The following ZBTB38 variants were observed in gnomAD, a reference collection of about 807,000 sequenced individuals.
ZBTB38 encodes the protein zinc finger and BTB domain-containing protein 38.
In ZBTB38, 20 loss-of-function variants were observed where a neutral mutation model predicts 76.8. That is an observed-to-expected ratio of 0.26 (90% CI 0.18 to 0.38). ZBTB38 has a LOEUF of 0.38. ZBTB38 is among the 10% of genes least tolerant of loss of function. The probability of loss-of-function intolerance (pLI) is 1.00; values close to 1 mark genes in which losing one functional copy is unlikely to be tolerated. For missense variants in ZBTB38, 1,082 were observed against 1,482.3 expected (o/e 0.73, Z 4.43); for synonymous variants, 504 against 544.2 (o/e 0.93, Z 1.03).
At chr3:141,411,341 C>T (rs572484152) in intron 5 of ZBTB38, among the ~76,000 whole-genome samples, 17 of 152,332 alleles carry the variant, frequency 1.1e-4, no homozygotes, top group African/African-American at 3.6e-4. Context: ...TGATCTGTCC[C>T]TGCTTAAACC....
At chr3:141,389,411 T>C (rs1413609021) in intron 4 of ZBTB38, 1 of 151,986 alleles carries the variant, frequency 6.6e-6, no homozygotes, top group Admixed American at 6.6e-5. Context: ...ACTGATTTTG[T>C]TCTCCAGGCT....
At chr3:141,347,377 G>T (rs951676122) in intron 1 of ZBTB38, among the ~76,000 whole-genome samples, 1 of 152,146 alleles carries the variant, frequency 6.6e-6, no homozygotes, top group Admixed American at 6.6e-5. Flanking sequence ...GACTTGACTG[G>T]ACAAGACATA....
intron 1 of ZBTB38, among the ~76,000 whole-genome samples, chr3:141,338,575 G>C (rs1292573789): frequency 7.2e-5 from 11 of 152,190 alleles, no homozygotes; most frequent in Admixed American, 7.2e-4. Flanking sequence ...TTCTCACTTA[G>C]AAGTGGGAGC....
chr3:141,443,575 C>G lies in ZBTB38; in HGVS notation c.1187C>G (p.Ser396Ter). 6.2e-7 allele frequency: 1 copy of G among 1,614,204 alleles called. No homozygotes were observed. The highest frequency in any genetic ancestry group is 8.5e-7 in the Non-Finnish European group (1 of 1,180,026). The change falls in exon 6 of 6, where the codon TCA becomes TGA. Residue 396 changes from serine (S) to a stop codon, truncating the protein, a stop_gained. Transcript: ENST00000321464. LOFTEE classifies it high-confidence loss of function. The surrounding 1 kb of genome is among the most constrained non-coding windows in gnomAD (Gnocchi z 5.6). ...LDRHEQICMR[S>*]SHMPIPGGNQ... ...CGGCATGAACAGATCTGCATGAGGT[C>G]AAGCCACATGCCCATTCCTGGAGGA...
At chr3:141,417,984 G>A (rs1174513093) in intron 5 of ZBTB38, among the ~76,000 whole-genome samples, 11 of 152,028 alleles carry the variant, frequency 7.2e-5, no homozygotes, top group African/African-American at 1.7e-4. Flanking sequence ...ATTGCACTCC[G>A]GCCTGGTGAC....
intron 4 of ZBTB38, among the ~76,000 whole-genome samples, chr3:141,392,520 A>G (rs1232156041): frequency 6.6e-6 from 1 of 152,164 alleles, no homozygotes; most frequent in African/African-American, 2.4e-5. Context: ...GGCCTTTTAT[A>G]CTGTTCGCTA....
intron 1 of ZBTB38, among the ~76,000 whole-genome samples, chr3:141,335,486 G>A (rs1942987912): frequency 1.3e-5 from 2 of 152,222 alleles, no homozygotes; most frequent in South Asian, 4.1e-4. Flanking sequence ...AATAAGAAGT[G>A]TGAATGTTCC....
intron 2 of ZBTB38, among the ~76,000 whole-genome samples, chr3:141,380,132 T>G (rs1576809346): frequency 6.6e-6 from 1 of 152,356 alleles, no homozygotes; most frequent in African/African-American, 2.4e-5. Flanking sequence ...GAGGCATTTA[T>G]GTAAATATGA....
chr3:141,427,307 A>G (rs1179919340), intron 5 of ZBTB38, among the ~76,000 whole-genome samples: 2 of 152,210 alleles, frequency 1.3e-5, no homozygotes, highest in Non-Finnish European at 2.9e-5. Context: ...AATTACAATC[A>G]TAATAAGTAC....
At chr3:141,386,539 T>G (rs1445886251) in intron 3 of ZBTB38, 1 of 152,250 alleles carries the variant, frequency 6.6e-6, no homozygotes, top group Non-Finnish European at 1.5e-5. Context: ...TATTTTTTAC[T>G]TTGCAAGAGC....
chr3:141,359,587 T>C (rs980275918), intron 1 of ZBTB38, among the ~76,000 whole-genome samples: 3 of 152,160 alleles, frequency 2.0e-5, no homozygotes, highest in African/African-American at 7.2e-5. Context: ...TTTTTGAAGA[T>C]AAGAATGTGG....
At chr3:141,416,768 A>G (rs1031602861) in intron 5 of ZBTB38, among the ~76,000 whole-genome samples, 2 of 152,150 alleles carry the variant, frequency 1.3e-5, no homozygotes, top group South Asian at 2.1e-4. Flanking sequence ...TAGAAAGGAG[A>G]AGGCCATGTG....
chr3:141,445,017 C>T lies in ZBTB38; in HGVS notation c.2629C>T (p.Gln877Ter). ...TCAGATGCAGGAGGAGCCTTTGCCA[C>T]AGGGGAATGACCCAGAACCCAGTGG... ...KYQMQEEPLP[Q>*]GNDPEPSGDS... The change falls in exon 6 of 6, where the codon CAG (glutamine) becomes TAG (stop). Residue 877 changes from glutamine (Q) to a stop codon, truncating the protein, a stop_gained. Coordinates refer to ENST00000321464, the MANE Select transcript of ZBTB38 (RefSeq NM_001376113.1). LOFTEE classifies it high-confidence loss of function. The surrounding 1 kb of genome is among the most constrained non-coding windows in gnomAD (Gnocchi z 6.5). The T allele has an allele frequency of 6.2e-7, 1 of 1,614,186 alleles. No homozygotes were observed. The highest frequency in any genetic ancestry group is 8.5e-7 in the Non-Finnish European group (1 of 1,180,036).
intron 1 of ZBTB38, among the ~76,000 whole-genome samples, chr3:141,329,108 C>T (rs750701194): frequency 6.6e-6 from 1 of 152,162 alleles, no homozygotes; most frequent in Non-Finnish European, 1.5e-5. Context: ...AGAAAAAAAC[C>T]CCGCCTCCTT....
At chr3:141,352,128 A>T (rs1342929599) in intron 1 of ZBTB38, among the ~76,000 whole-genome samples, 1 of 152,268 alleles carries the variant, frequency 6.6e-6, no homozygotes, top group South Asian at 2.1e-4. Context: ...CTAGGGGAGC[A>T]GGGGAGGCAG....
At chr3:141,344,121 G>A (rs1196522454) in intron 1 of ZBTB38, among the ~76,000 whole-genome samples, 1 of 152,198 alleles carries the variant, frequency 6.6e-6, no homozygotes, top group Non-Finnish European at 1.5e-5. Flanking sequence ...CTATGTTTTA[G>A]TTGGCTGCTG....
intron 1 of ZBTB38, among the ~76,000 whole-genome samples, chr3:141,359,106 T>C (rs1295442019): frequency 1.3e-5 from 2 of 152,256 alleles, no homozygotes; most frequent in African/African-American, 4.8e-5. Context: ...ACAGGAAATC[T>C]GGAAGTAGGT....
At chr3:141,418,248 G>A (rs367851976) in intron 5 of ZBTB38, among the ~76,000 whole-genome samples, 4 of 152,198 alleles carry the variant, frequency 2.6e-5, no homozygotes, top group Middle Eastern at 3.4e-3. Context: ...ATCTCCTAGC[G>A]CAGCCCTGCA....
At chr3:141,415,337 G>T (rs1490310634) in intron 5 of ZBTB38, among the ~76,000 whole-genome samples, 1 of 152,104 alleles carries the variant, frequency 6.6e-6, no homozygotes, top group Non-Finnish European at 1.5e-5. Flanking sequence ...TGGACTCTAG[G>T]GGGGCCAGGG....
Sources: allele counts gnomAD v4.1 joint callset (sites outside exome capture counted in the v4.1 genomes callset), GRCh38; gene constraint gnomAD v4.1.1; non-coding constraint Gnocchi (gnomAD v3.1); transcripts MANE v1.5; gene names NCBI Gene and HGNC (gene_info 2026-07-23, HGNC 2026-07-21).